SGIP1: variants seen among roughly 807,000 people sequenced by gnomAD.
The protein encoded by SGIP1 is SH3-containing GRB2-like protein 3-interacting protein 1.
A neutral mutation model predicts 107.5 loss-of-function variants in SGIP1; 38 were observed. That is an observed-to-expected ratio of 0.35 (90% CI 0.27 to 0.46). The LOEUF (loss-of-function observed/expected upper bound fraction) is 0.46, where lower values mean the gene tolerates loss of function less well. Among genes scored for constraint, SGIP1 ranks in the 20% least tolerant of loss-of-function variants. The probability of loss-of-function intolerance (pLI) is 1.00; values close to 1 mark genes in which losing one functional copy is unlikely to be tolerated. For missense variants in SGIP1, 929 were observed against 1,019.5 expected (o/e 0.91, Z 1.21); for synonymous variants, 365 against 366.1 (o/e 1.00, Z 0.03).
At chr1:66,697,009 T>C (rs1432766707) in intron 18 of SGIP1, among the ~76,000 whole-genome samples, 1 of 152,212 alleles carries the variant, frequency 6.6e-6, no homozygotes, top group Non-Finnish European at 1.5e-5. Flanking sequence ...CAGTTTACCT[T>C]CTTTTAACCA....
chr1:66,701,264 T>C (rs2091868311), intron 18 of SGIP1, among the ~76,000 whole-genome samples: 1 of 152,182 alleles, frequency 6.6e-6, no homozygotes, highest in Admixed American at 6.5e-5. Context: ...GCAATGGCTA[T>C]GCTAAATTCA....
intron 1 of SGIP1, among the ~76,000 whole-genome samples, chr1:66,592,407 A>G (rs1226412559): frequency 1.3e-5 from 2 of 152,210 alleles, no homozygotes; most frequent in South Asian, 4.1e-4. Context: ...CATGTCTCTG[A>G]GGGCACAGGG....
At chr1:66,695,642 C>T in intron 18 of SGIP1, 149 bp downstream of exon 18, 1 of 710,802 alleles carries the variant, frequency 1.4e-6, no homozygotes, top group Non-Finnish European at 2.2e-6. Flanking sequence ...ATATTAAACA[C>T]TAAAGGAAAT....
intron 18 of SGIP1, among the ~76,000 whole-genome samples, chr1:66,709,756 G>A (rs967853578): frequency 6.6e-6 from 1 of 152,132 alleles, no homozygotes; most frequent in Non-Finnish European, 1.5e-5. Context: ...GTAAAATGGG[G>A]ATAACAATAC....
In SGIP1 at chr1:66,689,285, C is replaced by T. The variant is rs1001286012; in HGVS notation, c.1443+10C>T. The T allele has an allele frequency of 7.4e-6, 12 of 1,612,422 alleles. No homozygotes were observed. Among genetic ancestry groups the T allele is most frequent in the African/African-American group, 4.0e-5 (3 of 74,864 alleles). The stretch of plus-strand genomic sequence containing the variant: ...TGGAGTTGGAGATGTGGTATGTTCC[C>T]TTCTGCCCTGGCTTGCTCAGAAACA... On this transcript the variant is annotated intron_variant, in intron 16 of 24. Coordinates refer to ENST00000371037, the MANE Select transcript of SGIP1 (RefSeq NM_032291.4).
intron 3 of SGIP1, 69 bp from the exon 4 acceptor site, chr1:66,635,875 T>C: frequency 2.7e-6 from 4 of 1,492,200 alleles, no homozygotes; most frequent in East Asian, 4.5e-5. Context: ...ATGTAATTCT[T>C]TATATGTGTC....
chr1:66,680,174 A>C (rs1238933468), intron 14 of SGIP1, among the ~76,000 whole-genome samples: 1 of 152,232 alleles, frequency 6.6e-6, no homozygotes, highest in African/African-American at 2.4e-5. Flanking sequence ...ATGAAGACAT[A>C]AAATGGTTCC....
chr1:66,671,335 G>A (rs2083743379), intron 10 of SGIP1, among the ~76,000 whole-genome samples: 1 of 152,126 alleles, frequency 6.6e-6, no homozygotes, highest in African/African-American at 2.4e-5. Context: ...GTTGCTGGGG[G>A]TGGGAAGAAC....
At chr1:66,720,949 A>G (rs1281038980) in intron 19 of SGIP1, among the ~76,000 whole-genome samples, 1 of 152,172 alleles carries the variant, frequency 6.6e-6, no homozygotes, top group Non-Finnish European at 1.5e-5. Context: ...TAACAATATT[A>G]TACTGGAAAA....
intron 1 of SGIP1, among the ~76,000 whole-genome samples, chr1:66,580,802 C>T (rs534406389): frequency 1.1e-4 from 17 of 152,032 alleles, no homozygotes; most frequent in Non-Finnish European, 1.5e-4. Flanking sequence ...TGAAGCACCA[C>T]GCAATGCTGA....
chr1:66,619,178 C>T (rs2070271856), intron 1 of SGIP1, among the ~76,000 whole-genome samples: 5 of 152,196 alleles, frequency 3.3e-5, no homozygotes, highest in Admixed American at 2.6e-4. Context: ...CTTGTCCAAG[C>T]TCTGTTTAAA....
intron 1 of SGIP1, among the ~76,000 whole-genome samples, chr1:66,596,612 A>G (rs1177767660): frequency 6.6e-6 from 1 of 151,518 alleles, no homozygotes; most frequent in Admixed American, 6.6e-5. Flanking sequence ...TTCAGGCTTT[A>G]AACTGTCTTC....
Position 66,697,279 on chromosome 1 carries a change from CAT to C in SGIP1, c.1630+1789_1630+1790del, listed in dbSNP as rs142106116. Among the ~76,000 whole-genome samples the C allele has an allele frequency of 1.6e-3, 236 of 152,190 alleles. 5 individuals are homozygous for C. In the East Asian group the frequency reaches 0.042, roughly 27 times the overall value. ...AATATTTAATAAATGTGTGGAATAACATATCACATTTTATGAAAATATATTTG... is the reference window on the plus strand; with the variant it reads ...AATATTTAATAAATGTGTGGAATAACATCACATTTTATGAAAATATATTTG... On this transcript the variant is annotated intron_variant, in intron 18 of 24. Coordinates refer to ENST00000371037, the MANE Select transcript of SGIP1 (RefSeq NM_032291.4).
At chr1:66,589,962 T>G (rs551456199) in intron 1 of SGIP1, among the ~76,000 whole-genome samples, 3 of 144,538 alleles carry the variant, frequency 2.1e-5, no homozygotes, top group Non-Finnish European at 4.5e-5. Context: ...ATATTGCAGA[T>G]TCTCTCTTTG....
chr1:66,630,904 AAGGGAGGGAGGGAGGGAGGAAGGAAG>A (rs2074348299), intron 2 of SGIP1, among the ~76,000 whole-genome samples: 3 of 9,290 alleles, frequency 3.2e-4, no homozygotes, highest in Non-Finnish European at 3.4e-4. Context: ...AGAAAGAAAG[AAGGGAGGGAGGGAGGGAGGAAGGAAG>A]GAAGGAAAGA....
At chr1:66,733,652 C>T in intron 20 of SGIP1, 96 bp from the exon 21 acceptor site, 1 of 1,315,212 alleles carries the variant, frequency 7.6e-7, no homozygotes, top group South Asian at 1.5e-5. Context: ...CAAAAAATGG[C>T]TGTACATATC....
intron 24 of SGIP1, among the ~76,000 whole-genome samples, 154 bp from the exon 25 acceptor site, chr1:66,742,919 G>A (rs2094503517): frequency 6.6e-6 from 1 of 152,098 alleles, no homozygotes; most frequent in Non-Finnish European, 1.5e-5. Flanking sequence ...AAATTGATTT[G>A]GAAACTTTAT....
intron 18 of SGIP1, among the ~76,000 whole-genome samples, chr1:66,715,005 T>C (rs1465658406): frequency 8.5e-5 from 13 of 152,156 alleles, no homozygotes; most frequent in Non-Finnish European, 7.4e-5. Context: ...ATCATTTTTA[T>C]TGAGTATAAT....
chr1:66,700,428 T>C (rs1459252811), intron 18 of SGIP1, among the ~76,000 whole-genome samples: 2 of 149,466 alleles, frequency 1.3e-5, no homozygotes, highest in African/African-American at 4.9e-5. Context: ...TAGCCAGAGG[T>C]CACTACCTCA....
Sources: gnomAD v4.1 joint callset for allele counts (sites outside exome capture counted in the v4.1 genomes callset) on GRCh38, gnomAD v4.1.1 for gene constraint, MANE v1.5 for transcripts, NCBI Gene and HGNC (gene_info 2026-07-23, HGNC 2026-07-21) for gene names.